Variants in ARHGAP15 observed in about 807,000 individuals in gnomAD.
ARHGAP15 encodes the protein Rho GTPase activating protein 15.
ARHGAP15 carries 51 observed loss-of-function variants against 63.7 expected under a neutral mutation model. That is an observed-to-expected ratio of 0.80 (90% CI 0.64 to 1.01). The LOEUF is 1.01. ARHGAP15 is among the 50% of genes least tolerant of loss of function. The pLI, the probability that ARHGAP15 is intolerant of heterozygous loss-of-function variation, is 0.00. For synonymous variants in ARHGAP15, 191 were observed against 193.8 expected, an observed-to-expected ratio of 0.99 and a Z score of 0.12; for missense variants, 560 against 564.6, an observed-to-expected ratio of 0.99 and a Z score of 0.08.
At chr2:143,712,590 T>C (rs957383303) in intron 13 of ARHGAP15, among the ~76,000 whole-genome samples, 5 of 152,124 alleles carry the variant, frequency 3.3e-5, no homozygotes, top group Non-Finnish European at 5.9e-5. Flanking sequence ...ACTTCTAACA[T>C]TGAATGGATG....
At chr2:143,196,364 A>G (rs545426979) in intron 2 of ARHGAP15, among the ~76,000 whole-genome samples, 69 of 152,180 alleles carry the variant, frequency 4.5e-4, no homozygotes, top group African/African-American at 1.6e-3. Context: ...TGATAATTCA[A>G]TAGGAAATAG....
chr2:143,703,590 T>C, intron 13 of ARHGAP15, 66 bp downstream of exon 13: 1 of 1,303,126 alleles, frequency 7.7e-7, no homozygotes, highest in East Asian at 2.4e-5. Context: ...ATATTGAATT[T>C]CACATCTCTA....
chr2:143,482,545 T>G lies in ARHGAP15; in HGVS notation c.704-4828T>G, dbSNP rs575319259. Among the ~76,000 whole-genome samples, 4 of 152,332 alleles carry G rather than the reference T, an allele frequency of 2.6e-5. No individual in the cohort carries two copies. The East Asian group carries it at 7.7e-4, about 29-fold the overall frequency. On this transcript the variant is annotated intron_variant, in intron 8 of 13. Coordinates refer to ENST00000295095, the MANE Select transcript of ARHGAP15 (RefSeq NM_018460.4). ...GTAGTGAAATCAGAAGCAAACTATG[T>G]CCCGATTATCACAGGCATGTGTTTA...
chr2:143,585,929 G>T (rs1697091675), intron 11 of ARHGAP15, among the ~76,000 whole-genome samples: 1 of 152,070 alleles, frequency 6.6e-6, no homozygotes, highest in African/African-American at 2.4e-5. Context: ...GTGTTTATTA[G>T]ATTTAAGCAT....
intron 6 of ARHGAP15, among the ~76,000 whole-genome samples, chr2:143,318,947 G>A (rs560821207): frequency 9.9e-5 from 15 of 152,120 alleles, no homozygotes; most frequent in Admixed American, 2.6e-4. Context: ...GAAAACTCCC[G>A]CGCAAATATC....
At chr2:143,266,880 A>G (rs966460506) in intron 6 of ARHGAP15, among the ~76,000 whole-genome samples, 2 of 152,218 alleles carry the variant, frequency 1.3e-5, no homozygotes, top group Non-Finnish European at 2.9e-5. Context: ...CCCCTGTATC[A>G]GCCAAAATAG....
At chr2:143,659,954 G>T (rs1681666588) in intron 12 of ARHGAP15, among the ~76,000 whole-genome samples, 1 of 152,214 alleles carries the variant, frequency 6.6e-6, no homozygotes, top group Non-Finnish European at 1.5e-5. Context: ...AAACATGCTA[G>T]AAGTAGCCAC....
At chr2:143,673,311 T>A (rs1682626011) in intron 12 of ARHGAP15, among the ~76,000 whole-genome samples, 1 of 152,122 alleles carries the variant, frequency 6.6e-6, no homozygotes, top group Non-Finnish European at 1.5e-5. Context: ...ACACAATCTT[T>A]TTTTTAGACG....
At chr2:143,318,635 T>G (rs1450421533) in intron 6 of ARHGAP15, among the ~76,000 whole-genome samples, 2 of 151,344 alleles carry the variant, frequency 1.3e-5, no homozygotes, top group African/African-American at 4.9e-5. Context: ...CTTTTAATCT[T>G]CATTGCTTCC....
In ARHGAP15 at chr2:143,445,095, G is replaced by A. The variant is rs561486425; in HGVS notation, c.703+8053G>A. On this transcript the variant is annotated intron_variant, in intron 8 of 13. Coordinates refer to ENST00000295095, the MANE Select transcript of ARHGAP15 (RefSeq NM_018460.4). The stretch of plus-strand genomic sequence containing the variant: ...TAACCAAGTAGAAAATATAGGACTG[G>A]GATTTTGCTGTCAGATAAGGTCTTC... Among the ~76,000 whole-genome samples, 29 of 151,136 alleles carry A rather than the reference G, an allele frequency of 1.9e-4. No individual in the cohort carries two copies. The South Asian group carries it at 6.1e-3, about 32-fold the overall frequency.
At chr2:143,560,364 T>C (rs760153730) in intron 11 of ARHGAP15, among the ~76,000 whole-genome samples, 2 of 152,246 alleles carry the variant, frequency 1.3e-5, no homozygotes, top group Non-Finnish European at 2.9e-5. Flanking sequence ...AATCTAATCC[T>C]TTCTTACATC....
chr2:143,470,273 C>G (rs4129946), intron 8 of ARHGAP15, among the ~76,000 whole-genome samples: 1 of 148,374 alleles, frequency 6.7e-6, no homozygotes, highest in African/African-American at 2.5e-5. Context: ...ACAACTCTTT[C>G]TAGGTGTTCA....
At chr2:143,553,182 T>C (rs1220834287) in intron 10 of ARHGAP15, among the ~76,000 whole-genome samples, 1 of 152,228 alleles carries the variant, frequency 6.6e-6, no homozygotes, top group Non-Finnish European at 1.5e-5. Context: ...ACTGTACCTA[T>C]ATAATTTATA....
chr2:143,627,645 C>T (rs1360070392), intron 12 of ARHGAP15, among the ~76,000 whole-genome samples: 3 of 152,026 alleles, frequency 2.0e-5, no homozygotes, highest in Non-Finnish European at 2.9e-5. Flanking sequence ...CGCGAGTTTT[C>T]GGCTTTATAT....
intron 13 of ARHGAP15, among the ~76,000 whole-genome samples, chr2:143,758,668 A>T (rs1686662317): frequency 6.6e-6 from 1 of 152,158 alleles, no homozygotes; most frequent in Admixed American, 6.6e-5. Flanking sequence ...AGTTATTTTT[A>T]AAAAGAATAA....
At chr2:143,590,491 G>C (rs1697278136) in intron 11 of ARHGAP15, among the ~76,000 whole-genome samples, 1 of 152,138 alleles carries the variant, frequency 6.6e-6, no homozygotes, top group Non-Finnish European at 1.5e-5. Flanking sequence ...TGGGACAACA[G>C]CCACTTTAGC....
chr2:143,661,262 G>A (rs965309440), intron 12 of ARHGAP15, among the ~76,000 whole-genome samples: 3 of 152,122 alleles, frequency 2.0e-5, no homozygotes, highest in Non-Finnish European at 2.9e-5. Flanking sequence ...CCTTTGCCAC[G>A]AAGATAGCAT....
At chr2:143,671,584 CAAAT>C (rs988326075) in intron 12 of ARHGAP15, among the ~76,000 whole-genome samples, 4 of 151,998 alleles carry the variant, frequency 2.6e-5, no homozygotes, top group Non-Finnish European at 4.4e-5. Context: ...TCCAATTAAA[CAAAT>C]AGTGGCAAAA....
chr2:143,667,665 A>C, intron 12 of ARHGAP15, among the ~76,000 whole-genome samples: 1 of 151,930 alleles, frequency 6.6e-6, no homozygotes, highest in Non-Finnish European at 1.5e-5. Context: ...ATTTATCATA[A>C]TTTGTGATAA....
Sources: allele counts gnomAD v4.1 joint callset (sites outside exome capture counted in the v4.1 genomes callset), GRCh38; gene constraint gnomAD v4.1.1; transcripts MANE v1.5; gene names NCBI Gene and HGNC (gene_info 2026-07-23, HGNC 2026-07-21).